Variants in TIE1 observed in about 807,000 individuals in gnomAD.
TIE1 encodes tyrosine-protein kinase receptor Tie-1.
TIE1 carries 89 observed loss-of-function variants against 130.5 expected under a neutral mutation model. The observed-to-expected ratio is 0.68, with a 90% CI of 0.57 to 0.81. The LOEUF is 0.81. TIE1 is among the 40% of genes least tolerant of loss of function. The probability of loss-of-function intolerance (pLI) is 0.00; values close to 1 mark genes in which losing one functional copy is unlikely to be tolerated. For synonymous variants in TIE1, 568 were observed against 629.4 expected, an observed-to-expected ratio of 0.90 and a Z score of 1.46; for missense variants, 1,392 against 1,559.8, an observed-to-expected ratio of 0.89 and a Z score of 1.81.
Position 43,321,680 on chromosome 1 carries a change from G to A in TIE1, c.3310G>A (p.Ala1104Thr). ...TGAGCGACCCCCCTTTGCCCAGATT[G>A]CGCTACAGCTAGGCCGCATGCTGGA... ...PYERPPFAQIALQLGRMLEAR... is the reference protein window; with the variant it reads ...PYERPPFAQITLQLGRMLEAR... The change falls in exon 22 of 23, where the codon GCG (alanine) becomes ACG (threonine). Residue 1104 changes from alanine (A) to threonine (T), a missense_variant. Coordinates refer to ENST00000372476, the MANE Select transcript of TIE1 (RefSeq NM_005424.5). The A allele has an allele frequency of 6.4e-7, 1 of 1,553,378 alleles. No homozygotes were observed. The highest frequency in any genetic ancestry group is 8.7e-7 in the Non-Finnish European group (1 of 1,147,904).
At position 43,305,038 on chromosome 1, in the gene TIE1, C is replaced by T. The variant is rs1570429588; in HGVS notation, c.246C>T (p.Arg82=). The T allele has an allele frequency of 6.3e-7, 1 of 1,593,766 alleles. No individual in the cohort carries two copies. ...CCGGGCCACCCCTGCGCCTGGCGCG[C>T]AACGGTTCGCACCAGGTCACGCTTC... ...TPPGPPLRLA[R]NGSHQVTLRG... Residue 82 remains arginine (R), a synonymous_variant, in exon 2 of 23, where the codon CGC becomes CGT. Coordinates refer to ENST00000372476, the MANE Select transcript of TIE1 (RefSeq NM_005424.5).
chr1:43,310,729 C>T (rs1425944274), intron 9 of TIE1, among the ~76,000 whole-genome samples: 2 of 152,138 alleles, frequency 1.3e-5, no homozygotes, highest in African/African-American at 4.8e-5. Flanking sequence ...CCAGCCACTT[C>T]CTGGACATCT....
At position 43,322,920 on chromosome 1, in the gene TIE1, A is replaced by T. The variant is rs1302889538; in HGVS notation, c.*198A>T. 8 of 562,062 alleles carry T rather than the reference A, an allele frequency of 1.4e-5. No individual in the cohort carries two copies. Among genetic ancestry groups the T allele is most frequent in the Non-Finnish European group, 2.5e-5 (8 of 314,130 alleles). The allele number at this position is 562,062 out of a possible 1,614,324, so 34.8% of individuals were successfully genotyped here. Reference sequence around the variant, plus strand: ...CATGCTTTGTAGGTGTCTCATAGCTATCCTGGGCATCCTTCTTTCTAGTTC... The same window carrying T: ...CATGCTTTGTAGGTGTCTCATAGCTTTCCTGGGCATCCTTCTTTCTAGTTC... On this transcript the variant is annotated 3_prime_UTR_variant, in exon 23 of 23. Transcript: ENST00000372476. The surrounding 1 kb of genome is among the most constrained non-coding windows in gnomAD (Gnocchi z 4.0).
In TIE1 at chr1:43,312,197, C is replaced by T; in HGVS notation, c.1630+66C>T. On this transcript the variant is annotated intron_variant, in intron 11 of 22. Transcript: ENST00000372476. This position sits in a 1 kb window ranked among gnomAD's most constrained non-coding sequence, Gnocchi z 5.6. Reference sequence around the variant, plus strand: ...TTACTTTCCCGTCGACCCCAGGGACCCCTGCCTTTCCCACTGGAGGTTGTT... The same window carrying T: ...TTACTTTCCCGTCGACCCCAGGGACTCCTGCCTTTCCCACTGGAGGTTGTT... 1 of 1,512,994 alleles carries T rather than the reference C, an allele frequency of 6.6e-7. No individual in the cohort carries two copies. The highest frequency in any genetic ancestry group is 8.8e-7 in the Non-Finnish European group (1 of 1,130,724). 93.7% of individuals were successfully genotyped at this position (1,512,994 alleles called of 1,614,324 possible). A position where few individuals can be genotyped will look rare whatever the true frequency, so the allele number is the denominator to read the frequency against.
At position 43,312,277 on chromosome 1, in the gene TIE1, A is replaced by C. The variant is rs1176260441; in HGVS notation, c.1631-28A>C. 1 of 1,521,580 alleles carries C rather than the reference A, an allele frequency of 6.6e-7. No individual in the cohort carries two copies. The highest frequency in any genetic ancestry group is 1.3e-5 in the South Asian group (1 of 76,378). The allele number at this position is 1,521,580 out of a possible 1,614,324, so 94.3% of individuals were successfully genotyped here. On this transcript the variant is annotated intron_variant, in intron 11 of 22. Coordinates refer to ENST00000372476, the MANE Select transcript of TIE1 (RefSeq NM_005424.5). This position sits in a 1 kb window ranked among gnomAD's most constrained non-coding sequence, Gnocchi z 5.6. ...GTCCAGCCCCAAGTACCTACTGGAC[A>C]GTTCTGACCCCTGACCTCTGGCCCC... is the stretch of plus-strand genomic sequence containing the variant.
At position 43,308,993 on chromosome 1, in the gene TIE1, C is replaced by T. The variant is rs776335343; in HGVS notation, c.1050C>T (p.Ile350=). The change falls in exon 8 of 23, where the codon ATC becomes ATT. Residue 350 remains isoleucine (I), a synonymous_variant. Transcript: ENST00000372476. ...HGVHCEKSDR[I]PQILNMASEL... The stretch of plus-strand genomic sequence containing the variant: ...AGTGTCCTTTCTCCCCAGACCGGAT[C>T]CCCCAGATCCTCAACATGGCCTCAG... The T allele has an allele frequency of 5.8e-5, 93 of 1,613,882 alleles. No homozygotes were observed. Among genetic ancestry groups the T allele is most frequent in the Non-Finnish European group, 7.5e-5 (89 of 1,179,976 alleles).
Position 43,304,912 on chromosome 1 carries a change from C to A in TIE1, c.120C>A (p.Phe40Leu). 1 of 1,438,420 alleles carries A rather than the reference C, an allele frequency of 7.0e-7. No individual in the cohort carries two copies. The highest frequency in any genetic ancestry group is 9.1e-7 in the Non-Finnish European group (1 of 1,101,468). The allele number at this position is 1,438,420 out of a possible 1,614,324, so 89.1% of individuals were successfully genotyped here. A position where few individuals can be genotyped will look rare whatever the true frequency, so the allele number is the denominator to read the frequency against. ...NLRLTDPQRF[F>L]LTCVSGEAGA... ...GGCTCACGGACCCCCAGCGCTTCTT[C>A]CTGACTTGCGTGTCTGGGGAGGCCG... The change falls in exon 2 of 23, where the codon TTC becomes TTA. Residue 40 changes from phenylalanine (F) to leucine (L), a missense_variant. Physicochemically the swap from Phe to Leu is conservative, Grantham distance 22. Coordinates refer to ENST00000372476, the MANE Select transcript of TIE1 (RefSeq NM_005424.5).
In TIE1 at chr1:43,322,926, G is replaced by A; in HGVS notation, c.*204G>A. 1.8e-6 allele frequency: 1 copy of A among 558,826 alleles called. No homozygotes were observed. Among genetic ancestry groups the A allele is most frequent in the Non-Finnish European group, 3.2e-6 (1 of 312,512 alleles). The allele number at this position is 558,826 out of a possible 1,614,324, so 34.6% of individuals were successfully genotyped here. ...TTGTAGGTGTCTCATAGCTATCCTG[G>A]GCATCCTTCTTTCTAGTTCAGCTGC... On this transcript the variant is annotated 3_prime_UTR_variant, in exon 23 of 23. Transcript: ENST00000372476. This position sits in a 1 kb window ranked among gnomAD's most constrained non-coding sequence, Gnocchi z 4.0.
chr1:43,306,761 AGCTGAG>A lies in TIE1; in HGVS notation c.485-78_485-73del. On this transcript the variant is annotated intron_variant, in intron 3 of 22. Coordinates refer to ENST00000372476, the MANE Select transcript of TIE1 (RefSeq NM_005424.5). This position sits in a 1 kb window ranked among gnomAD's most constrained non-coding sequence, Gnocchi z 4.9. Reference sequence around the variant, plus strand: ...ACTGTGCATGGGGCTCATTGATGTGAGCTGAGCAGAGGTGGACAGAGAGAGGTGACA... The same window carrying A: ...ACTGTGCATGGGGCTCATTGATGTGACAGAGGTGGACAGAGAGAGGTGACA... 6.7e-7 allele frequency: 1 copy of A among 1,501,082 alleles called. No individual in the cohort carries two copies. 93.0% of individuals were successfully genotyped at this position (1,501,082 alleles called of 1,614,324 possible).
At chr1:43,321,032 CAAAAAA>C (rs752698629) in intron 19 of TIE1, among the ~76,000 whole-genome samples, 2 of 97,392 alleles carry the variant, frequency 2.1e-5, no homozygotes, top group Non-Finnish European at 2.0e-5. Context: ...GACCCTGTCT[CAAAAAA>C]AAAAAAAAAA....
At position 43,306,330 on chromosome 1, in the gene TIE1, A is replaced by C. The variant is rs1360094903; in HGVS notation, c.485-510A>C. 6.6e-6 allele frequency among the ~76,000 whole-genome samples: 1 copy of C among 152,220 alleles called. No individual in the cohort carries two copies. The highest frequency in any genetic ancestry group is 1.5e-5 in the Non-Finnish European group (1 of 68,022). ...AATTCAGGAATGTTAGGAGTCAAGA[A>C]GGGTGTGAAGACGAATGGGGCTGGA... On this transcript the variant is annotated intron_variant, in intron 3 of 22. Coordinates refer to ENST00000372476, the MANE Select transcript of TIE1 (RefSeq NM_005424.5). This position sits in a 1 kb window ranked among gnomAD's most constrained non-coding sequence, Gnocchi z 4.9.
rs1646884231 is a variant in TIE1, at chr1:43,318,594, C to T, written c.2922+522C>T. ...TTTCAGCTCACTACAACCTCTGCCT[C>T]CTGGGTTCAAGCAATTCTCCTGCCT... is the stretch of plus-strand genomic sequence containing the variant. On this transcript the variant is annotated intron_variant, in intron 17 of 22. Coordinates refer to ENST00000372476, the MANE Select transcript of TIE1 (RefSeq NM_005424.5). This position sits in a 1 kb window ranked among gnomAD's most constrained non-coding sequence, Gnocchi z 4.4. 6.6e-6 allele frequency among the ~76,000 whole-genome samples: 1 copy of T among 151,946 alleles called. No individual in the cohort carries two copies. The highest frequency in any genetic ancestry group is 1.5e-5 in the Non-Finnish European group (1 of 67,992).
rs763192468 is a variant in TIE1 at position 43,313,481 on chromosome 1, C to G, written c.2218+56C>G. 1 of 1,584,884 alleles carries G rather than the reference C, an allele frequency of 6.3e-7. No homozygotes were observed. Among genetic ancestry groups the G allele is most frequent in the Non-Finnish European group, 8.6e-7 (1 of 1,159,870 alleles). On this transcript the variant is annotated intron_variant, in intron 13 of 22. Coordinates refer to ENST00000372476, the MANE Select transcript of TIE1 (RefSeq NM_005424.5). The surrounding 1 kb of genome is among the most constrained non-coding windows in gnomAD (Gnocchi z 6.2). Reference sequence around the variant, plus strand: ...GGCTCTGAGCGGGGAGAGCTCAGCACGCTCTCCTTCCACATCACCCCCTAC... The same window carrying G: ...GGCTCTGAGCGGGGAGAGCTCAGCAGGCTCTCCTTCCACATCACCCCCTAC...
intron 9 of TIE1, among the ~76,000 whole-genome samples, chr1:43,311,085 C>G (rs12024096): frequency 6.6e-6 from 1 of 152,166 alleles, no homozygotes; most frequent in Non-Finnish European, 1.5e-5. Flanking sequence ...ATGGATAGAT[C>G]TGAGGCGGCC....
At position 43,307,657 on chromosome 1, in the gene TIE1, C is replaced by G. The variant is rs572189318; in HGVS notation, c.913+85C>G. On this transcript the variant is annotated intron_variant, in intron 6 of 22. Transcript: ENST00000372476. The surrounding 1 kb of genome is among the most constrained non-coding windows in gnomAD (Gnocchi z 5.4). ...GACCCTCCACTCTGCCTCTGACTTA[C>G]GCAGCAAGCCCTCCTGCTCACTTGA... is the stretch of plus-strand genomic sequence containing the variant. 9.9e-5 allele frequency: 159 copies of G among 1,605,198 alleles called. No individual in the cohort carries two copies. The highest frequency in any genetic ancestry group is 1.2e-4 in the Non-Finnish European group (146 of 1,173,884).
In TIE1 at chr1:43,317,349, A is replaced by G. The variant is rs759549215; in HGVS notation, c.2560A>G (p.Ile854Val). The change falls in exon 15 of 23, where the codon ATC becomes GTC. Residue 854 changes from isoleucine (I) to valine (V), a missense_variant. Physicochemically the swap from Ile to Val is conservative, Grantham distance 29. Coordinates refer to ENST00000372476, the MANE Select transcript of TIE1 (RefSeq NM_005424.5). This position sits in a 1 kb window ranked among gnomAD's most constrained non-coding sequence, Gnocchi z 5.1. ...LIGEGNFGQVIRAMIKKDGLK... is the reference protein window; with the variant it reads ...LIGEGNFGQVVRAMIKKDGLK... The stretch of plus-strand genomic sequence containing the variant: ...CGGGGAGGGGAACTTCGGCCAGGTC[A>G]TCCGGGCCATGATCAAGAAGGACGG... 1 of 1,614,096 alleles carries G rather than the reference A, an allele frequency of 6.2e-7. No individual in the cohort carries two copies. Among genetic ancestry groups the G allele is most frequent in the Non-Finnish European group, 8.5e-7 (1 of 1,180,014 alleles).
Position 43,309,197 on chromosome 1 carries a change from AC to A in TIE1, c.1188+71del, listed in dbSNP as rs1646763735. 6.5e-7 allele frequency: 1 copy of A among 1,534,406 alleles called. No homozygotes were observed. Among genetic ancestry groups the A allele is most frequent in the South Asian group, 1.3e-5 (1 of 78,528 alleles). ...GCCTGCTTCACAGCTGATCCCTAAG[AC>A]CCCCTAGTCCCTCAGAACTTTCTGC... On this transcript the variant is annotated intron_variant, in intron 8 of 22. Coordinates refer to ENST00000372476, the MANE Select transcript of TIE1 (RefSeq NM_005424.5). The surrounding 1 kb of genome is among the most constrained non-coding windows in gnomAD (Gnocchi z 6.3).
chr1:43,312,361 C>T lies in TIE1; in HGVS notation c.1687C>T (p.Arg563Ter), dbSNP rs749364436. ...GWHVEGTDRL[R>*]VSWSLPLVPG... is the part of the protein sequence containing the mutation. ...GCATGTGGAAGGCACTGACCGGCTG[C>T]GAGTGAGCTGGTCCTTGCCCTTGGT... The change falls in exon 12 of 23, where the codon CGA becomes TGA. Residue 563 changes from arginine to a stop codon, truncating the protein, a stop_gained. Coordinates refer to ENST00000372476, the MANE Select transcript of TIE1 (RefSeq NM_005424.5). LOFTEE classifies it high-confidence loss of function. The surrounding 1 kb of genome is among the most constrained non-coding windows in gnomAD (Gnocchi z 5.6). 5 of 1,581,666 alleles carry T rather than the reference C, an allele frequency of 3.2e-6. No individual in the cohort carries two copies. The highest frequency in any genetic ancestry group is 3.4e-5 in the Admixed American group (2 of 58,228).
At position 43,304,857 on chromosome 1, in the gene TIE1, C is replaced by T; in HGVS notation, c.65C>T (p.Ala22Val). 8 of 1,420,126 alleles carry T rather than the reference C, an allele frequency of 5.6e-6. No individual in the cohort carries two copies. The highest frequency in any genetic ancestry group is 7.3e-6 in the Non-Finnish European group (8 of 1,093,572). 88.0% of individuals were successfully genotyped at this position (1,420,126 alleles called of 1,614,324 possible). A position where few individuals can be genotyped will look rare whatever the true frequency, so the allele number is the denominator to read the frequency against. ...ACTGGTGTCCTGGCCCCAGGCGCGG[C>T]GGTGGACCTGACGCTGCTGGCCAAC... The part of the protein sequence containing the change: ...ILFLASHVGA[A>V]VDLTLLANLR... The change falls in exon 2 of 23, where the codon GCG (alanine) becomes GTG (valine). Residue 22 changes from alanine to valine, a missense_variant. By Grantham distance (64) the Ala-to-Val change is moderately conservative (BLOSUM62 0). This residue lies in a region of TIE1 where 415 missense variants were observed against 424.8 expected (regional missense o/e 0.98). Transcript: ENST00000372476.
Sources: allele counts gnomAD v4.1 joint callset (sites outside exome capture counted in the v4.1 genomes callset), GRCh38; gene constraint gnomAD v4.1.1; regional missense constraint gnomAD v4.1.1; non-coding constraint Gnocchi (gnomAD v3.1); transcripts MANE v1.5; gene names NCBI Gene and HGNC (gene_info 2026-07-23, HGNC 2026-07-21).